The following RANBP3 variants were observed in gnomAD, a reference collection of about 807,000 sequenced individuals.
RANBP3 encodes the protein ran-binding protein 3.
In RANBP3, 14 loss-of-function variants were observed where a neutral mutation model predicts 77.3. That is an observed-to-expected ratio of 0.18 (90% CI 0.12 to 0.28). The LOEUF (loss-of-function observed/expected upper bound fraction) is 0.28, where lower values mean the gene tolerates loss of function less well. Among genes scored for constraint, RANBP3 ranks in the 10% least tolerant of loss-of-function variants. The pLI, the probability that RANBP3 is intolerant of heterozygous loss-of-function variation, is 1.00. For missense variants in RANBP3, 586 were observed against 752.3 expected, an observed-to-expected ratio of 0.78 and a Z score of 2.59; for synonymous variants, 315 against 312.4, an observed-to-expected ratio of 1.01 and a Z score of -0.09.
At chr19:5,917,711 AC>A (rs2057759340) in intron 16 of RANBP3, 58 bp from the exon 17 acceptor site, 3 of 1,583,764 alleles carry the variant, frequency 1.9e-6, no homozygotes, top group Admixed American at 1.7e-5. Flanking sequence ...AGGTCTGGCC[AC>A]CCCCGCCAGG....
At position 5,952,810 on chromosome 19, in the gene RANBP3, G is replaced by A. The variant is rs997312720; in HGVS notation, c.79-1214C>T. On this transcript the variant is annotated intron_variant, in intron 2 of 16. Transcript: ENST00000340578. The surrounding 1 kb of genome is among the most constrained non-coding windows in gnomAD (Gnocchi z 4.1). ...ACTCAAAAGTAATCAAGGGGACACTGTCGCCTCTTCGTATCCAGGGCAGAG... is the reference window on the plus strand; with the variant it reads ...ACTCAAAAGTAATCAAGGGGACACTATCGCCTCTTCGTATCCAGGGCAGAG... Among the ~76,000 whole-genome samples, 1 of 152,198 alleles carries A rather than the reference G, an allele frequency of 6.6e-6. No individual in the cohort carries two copies. The highest frequency in any genetic ancestry group is 1.5e-5 in the Non-Finnish European group (1 of 68,044).
Position 5,923,912 on chromosome 19 carries a change from G to C in RANBP3, c.999C>G (p.Ser333Arg). Residue 333 changes from serine to arginine, a missense_variant and splice_region_variant, in exon 12 of 17, where the codon AGC becomes AGG. Around this residue, in one of 5 missense-constraint regions of RANBP3, gnomAD observed 232 missense variants for 271.7 expected, o/e 0.85. Transcript: ENST00000340578. ...FGQNMSERVL[S>R]PPKLNEVSSD... ...AACTGACCTCGTTTAATTTTGGGGG[G>C]CTCTGCAGGGACACAAAAGCATACA... 1 of 1,612,244 alleles carries C rather than the reference G, an allele frequency of 6.2e-7. No individual in the cohort carries two copies. The highest frequency in any genetic ancestry group is 1.7e-5 in the Admixed American group (1 of 60,004).
intron 10 of RANBP3, 100 bp downstream of exon 10, chr19:5,925,534 C>G: frequency 9.7e-7 from 1 of 1,029,176 alleles, no homozygotes; most frequent in Non-Finnish European, 1.5e-6. Context: ...GGATTCTGGG[C>G]CTGAGTCGGG....
intron 10 of RANBP3, chr19:5,925,370 C>G (rs1450592788): frequency 7.1e-6 from 4 of 561,572 alleles, no homozygotes; most frequent in Non-Finnish European, 1.3e-5. Flanking sequence ...ACTCCAAGGG[C>G]TGGGCTGTAG....
chr19:5,952,252 A>G lies in RANBP3; in HGVS notation c.79-656T>C, dbSNP rs1488382830. On this transcript the variant is annotated intron_variant, in intron 2 of 16. Coordinates refer to ENST00000340578, the MANE Select transcript of RANBP3 (RefSeq NM_007322.3). This position sits in a 1 kb window ranked among gnomAD's most constrained non-coding sequence, Gnocchi z 4.1. ...GTTTTTGCATCAGTGGCAGGCGGGT[A>G]GTTCAGATGAAGGAGGGGGGCAAAT... 1.3e-5 allele frequency among the ~76,000 whole-genome samples: 2 copies of G among 152,146 alleles called. No homozygotes were observed. The highest frequency in any genetic ancestry group is 2.9e-5 in the Non-Finnish European group (2 of 68,030).
chr19:5,951,002 T>C (rs2058267386), intron 3 of RANBP3: 1 of 275,436 alleles, frequency 3.6e-6, no homozygotes, highest in African/African-American at 2.3e-5. Context: ...CTTGGGTTTC[T>C]AAGACGCTAA....
chr19:5,951,385 G>T lies in RANBP3; in HGVS notation c.282+8C>A, dbSNP rs1039844290. ...GGCGGTAGGAGTGCCGGGTAGGTGT[G>T]GACTTACCCCTGCCAGTTCTCGCGG... On this transcript the variant is annotated splice_region_variant and intron_variant, in intron 3 of 16. Coordinates refer to ENST00000340578, the MANE Select transcript of RANBP3 (RefSeq NM_007322.3). 4 of 1,550,352 alleles carry T rather than the reference G, an allele frequency of 2.6e-6. No individual in the cohort carries two copies. The highest frequency in any genetic ancestry group is 3.5e-6 in the Non-Finnish European group (4 of 1,146,396).
chr19:5,933,608 T>G (rs1168595172), intron 5 of RANBP3, 129 bp from the exon 6 acceptor site: 1 of 631,262 alleles, frequency 1.6e-6, no homozygotes, highest in African/African-American at 1.9e-5. Flanking sequence ...GGGAGAACAT[T>G]TCCAAATTAC....
chr19:5,918,393 TC>T, intron 15 of RANBP3, 102 bp downstream of exon 15: 5 of 143,360 alleles, frequency 3.5e-5, no homozygotes, highest in Non-Finnish European at 2.8e-5. Context: ...CTGAAGCCCC[TC>T]CCCCCTCCCC....
chr19:5,963,819 A>G (rs1157952597), intron 1 of RANBP3, among the ~76,000 whole-genome samples: 5 of 152,222 alleles, frequency 3.3e-5, no homozygotes, highest in East Asian at 1.9e-4. Context: ...GGCACTGTGC[A>G]CCAAGTCCCA....
chr19:5,931,931 A>G (rs2057997966), intron 7 of RANBP3, among the ~76,000 whole-genome samples: 1 of 152,032 alleles, frequency 6.6e-6, no homozygotes, highest in South Asian at 2.1e-4. Context: ...GCTACTTGGG[A>G]GGCTGAGGTG....
At chr19:5,963,267 C>G (rs1294014595) in intron 1 of RANBP3, among the ~76,000 whole-genome samples, 2 of 152,122 alleles carry the variant, frequency 1.3e-5, no homozygotes, top group African/African-American at 4.8e-5. Context: ...GATTAGAAAA[C>G]CAATACGAGG....
chr19:5,962,057 T>C (rs1359215069), intron 1 of RANBP3, among the ~76,000 whole-genome samples: 3 of 152,006 alleles, frequency 2.0e-5, no homozygotes, highest in Non-Finnish European at 4.4e-5. Context: ...GAGCAGGCCT[T>C]ATATCCTGCC....
At chr19:5,922,170 A>G (rs1190931685) in intron 13 of RANBP3, among the ~76,000 whole-genome samples, 1 of 152,068 alleles carries the variant, frequency 6.6e-6, no homozygotes, top group Non-Finnish European at 1.5e-5. Flanking sequence ...TATACTAGAA[A>G]CCACGGAATT....
rs776408481 is a variant in RANBP3 at position 5,957,993 on chromosome 19, T to G, written c.23-20A>C. The G allele has an allele frequency of 1.2e-6, 2 of 1,613,374 alleles. No individual in the cohort carries two copies. The highest frequency in any genetic ancestry group is 1.7e-6 in the Non-Finnish European group (2 of 1,179,350). The stretch of plus-strand genomic sequence containing the variant: ...GCTTTTCTGCAAAAAGAAAAATTAG[T>G]TTTTTTCCCCCCAACACTATATGCA... On this transcript the variant is annotated intron_variant, in intron 1 of 16. Coordinates refer to ENST00000340578, the MANE Select transcript of RANBP3 (RefSeq NM_007322.3).
intron 2 of RANBP3, among the ~76,000 whole-genome samples, chr19:5,955,374 G>C (rs1254324538): frequency 6.6e-6 from 1 of 152,162 alleles, no homozygotes; most frequent in African/African-American, 2.4e-5. Context: ...AAAGTGCTGG[G>C]ATTACAGGTG....
intron 14 of RANBP3, among the ~76,000 whole-genome samples, chr19:5,919,997 T>C (rs1288275674): frequency 1.3e-5 from 2 of 152,016 alleles, no homozygotes; most frequent in Admixed American, 1.3e-4. Flanking sequence ...GTGTTTCTGA[T>C]TGAAGTGCAT....
At chr19:5,926,048 C>T (rs373276758) in intron 9 of RANBP3, among the ~76,000 whole-genome samples, 13 of 152,268 alleles carry the variant, frequency 8.5e-5, no homozygotes, top group African/African-American at 3.1e-4. Context: ...TGCTTCATAC[C>T]AATAACACAA....
intron 5 of RANBP3, among the ~76,000 whole-genome samples, chr19:5,941,055 C>T (rs968181501): frequency 1.3e-5 from 2 of 152,234 alleles, no homozygotes; most frequent in African/African-American, 2.4e-5. Flanking sequence ...CTCCACAGTC[C>T]GAGCCTGGCC....
Sources: allele counts gnomAD v4.1 joint callset (sites outside exome capture counted in the v4.1 genomes callset), GRCh38; gene constraint gnomAD v4.1.1; regional missense constraint gnomAD v4.1.1; non-coding constraint Gnocchi (gnomAD v3.1); transcripts MANE v1.5; gene names NCBI Gene and HGNC (gene_info 2026-07-23, HGNC 2026-07-21).